Variants in KANSL3 observed in about 807,000 individuals in gnomAD.
KANSL3 encodes the protein KAT8 regulatory NSL complex subunit 3.
In KANSL3, 16 loss-of-function variants were observed where a neutral mutation model predicts 89.2. That is an observed-to-expected ratio of 0.18 (90% CI 0.12 to 0.27). The LOEUF (loss-of-function observed/expected upper bound fraction) is 0.27, where lower values mean the gene tolerates loss of function less well. KANSL3 is among the 10% of genes least tolerant of loss of function. The probability of loss-of-function intolerance (pLI) is 1.00; values close to 1 mark genes in which losing one functional copy is unlikely to be tolerated. For synonymous variants in KANSL3, 385 were observed against 419.7 expected (o/e 0.92, Z 1.01); for missense variants, 879 against 1,110.6 (o/e 0.79, Z 2.96).
intron 1 of KANSL3, 90 bp from the exon 2 acceptor site, chr2:96,637,275 C>T: frequency 1.6e-6 from 1 of 612,876 alleles, no homozygotes; most frequent in Non-Finnish European, 2.9e-6. Flanking sequence ...TTGTAACCTA[C>T]TATCATTCCT....
rs1387246490 is a variant in KANSL3 at position 96,594,101 on chromosome 2, T to G, written c.*1510A>C. ...CCTTGCCTGAGACTCCTAGACACTA[T>G]GAGCTCCCTTCTGGCTGCCACTCAG... On this transcript the variant is annotated 3_prime_UTR_variant, in exon 21 of 21. Coordinates refer to ENST00000431828, the MANE Select transcript of KANSL3 (RefSeq NM_001115016.3). 1 of 152,274 alleles carries G rather than the reference T, an allele frequency of 6.6e-6. No homozygotes were observed. The highest frequency in any genetic ancestry group is 1.5e-5 in the Non-Finnish European group (1 of 68,154). 9.4% of individuals were successfully genotyped at this position (152,274 alleles called of 1,614,324 possible). A position where few individuals can be genotyped will look rare whatever the true frequency, so the allele number is the denominator to read the frequency against.
intron 3 of KANSL3, among the ~76,000 whole-genome samples, chr2:96,627,692 A>G (rs2072615454): frequency 6.6e-6 from 1 of 152,240 alleles, no homozygotes; most frequent in Admixed American, 6.5e-5. Context: ...GGAGCTCTTG[A>G]TGTGGCAAAC....
chr2:96,630,939 A>G (rs1424765883), intron 3 of KANSL3, among the ~76,000 whole-genome samples: 4 of 152,248 alleles, frequency 2.6e-5, no homozygotes, highest in Non-Finnish European at 4.4e-5. Flanking sequence ...TTTAAACACA[A>G]TATCTTACAA....
chr2:96,608,413 TGA>T, intron 14 of KANSL3, 93 bp downstream of exon 14: 3 of 1,292,414 alleles, frequency 2.3e-6, no homozygotes, highest in Non-Finnish European at 3.2e-6. Flanking sequence ...CACATCCCCC[TGA>T]AAAAAGCCAT....
At chr2:96,620,194 G>T (rs1030256932) in intron 3 of KANSL3, among the ~76,000 whole-genome samples, 2 of 152,178 alleles carry the variant, frequency 1.3e-5, no homozygotes, top group Non-Finnish European at 2.9e-5. Flanking sequence ...GCATTTTAAT[G>T]TACTAAAATC....
chr2:96,592,720 C>G (rs966354021), downstream of KANSL3, among the ~76,000 whole-genome samples: 1 of 152,150 alleles, frequency 6.6e-6, no homozygotes, highest in African/African-American at 2.4e-5. Flanking sequence ...AAGGAAATTA[C>G]AGGCTGGGTG....
chr2:96,627,007 A>G (rs898504983), intron 3 of KANSL3, among the ~76,000 whole-genome samples: 32 of 152,248 alleles, frequency 2.1e-4, no homozygotes, highest in African/African-American at 7.7e-4. Flanking sequence ...GTGTCATGAA[A>G]CAGTATTAAT....
chr2:96,630,914 C>T (rs1160052447), intron 3 of KANSL3, among the ~76,000 whole-genome samples: 1 of 152,180 alleles, frequency 6.6e-6, no homozygotes, highest in African/African-American at 2.4e-5. Flanking sequence ...CTTCCATCAT[C>T]CTAGTTATAA....
Position 96,595,419 on chromosome 2 carries a change from G to A in KANSL3, c.*192C>T. ...CCAGATTTGCAGATCCTGGACGATG[G>A]TGCTTCCCTTGCTGGCACCGTATCA... On this transcript the variant is annotated 3_prime_UTR_variant, in exon 21 of 21. Coordinates refer to ENST00000431828, the MANE Select transcript of KANSL3 (RefSeq NM_001115016.3). 1.8e-6 allele frequency: 1 copy of A among 563,990 alleles called. No individual in the cohort carries two copies. The highest frequency in any genetic ancestry group is 3.2e-6 in the Non-Finnish European group (1 of 315,268). 34.9% of individuals were successfully genotyped at this position (563,990 alleles called of 1,614,324 possible). A position where few individuals can be genotyped will look rare whatever the true frequency, so the allele number is the denominator to read the frequency against.
chr2:96,619,656 AT>A lies in KANSL3; in HGVS notation c.477+15del. On this transcript the variant is annotated intron_variant, in intron 4 of 20. Transcript: ENST00000431828. ...ACTACGAAGAGCCCACTGTGGGCGG[AT>A]TGCTGGTGTCTTACCCCTTCGTTGG... 1 of 1,579,672 alleles carries A rather than the reference AT, an allele frequency of 6.3e-7. No individual in the cohort carries two copies.
At chr2:96,634,234 A>C (rs1165657864) in intron 2 of KANSL3, 2 of 152,242 alleles carry the variant, frequency 1.3e-5, no homozygotes. Flanking sequence ...TTTTAAAATG[A>C]GATCTAGCTG....
chr2:96,614,195 G>A (rs571821633), intron 5 of KANSL3, among the ~76,000 whole-genome samples: 8 of 152,220 alleles, frequency 5.3e-5, no homozygotes, highest in African/African-American at 1.4e-4. Context: ...GGGTTCAAGC[G>A]ATTTCTTGTT....
rs561354908 is a variant in KANSL3, at chr2:96,601,176, G to A, written c.2616+467C>T. ...CCAGTTACTTGGGAGGCTGAGGCAG[G>A]AGAATTGCTTGAACCGGGGAGGTGG... On this transcript the variant is annotated intron_variant, in intron 20 of 20. Coordinates refer to ENST00000431828, the MANE Select transcript of KANSL3 (RefSeq NM_001115016.3). The A allele has an allele frequency of 4.0e-4, 154 of 382,168 alleles. 1 individual carries two copies. The highest frequency in any genetic ancestry group is 3.2e-3 in the African/African-American group (148 of 45,768). 23.7% of individuals were successfully genotyped at this position (382,168 alleles called of 1,614,324 possible).
intron 20 of KANSL3, chr2:96,598,238 T>A (rs2066732383): frequency 1.8e-6 from 1 of 552,052 alleles, no homozygotes; most frequent in Non-Finnish European, 2.3e-6. Context: ...ACTATAAAAC[T>A]GTTTTAGAGT....
chr2:96,621,548 C>A (rs545694904), intron 3 of KANSL3, among the ~76,000 whole-genome samples: 3 of 151,354 alleles, frequency 2.0e-5, no homozygotes, highest in Non-Finnish European at 4.4e-5. Context: ...TTAAGCCAGG[C>A]GTGGTAGCAT....
At chr2:96,609,372 G>A (rs1228930772) in intron 12 of KANSL3, 127 bp downstream of exon 12, 3 of 802,982 alleles carry the variant, frequency 3.7e-6, no homozygotes, top group Non-Finnish European at 6.4e-6. Flanking sequence ...CTTTGCTTAT[G>A]ACTGAGACCT....
At chr2:96,621,404 C>T (rs1206915442) in intron 3 of KANSL3, among the ~76,000 whole-genome samples, 1 of 151,936 alleles carries the variant, frequency 6.6e-6, no homozygotes, top group Non-Finnish European at 1.5e-5. Context: ...GTCCCAGCTA[C>T]TCCGGAGGCT....
intron 13 of KANSL3, 22 bp from the exon 14 acceptor site, chr2:96,608,686 A>G: frequency 1.2e-6 from 2 of 1,613,962 alleles, no homozygotes; most frequent in Non-Finnish European, 1.7e-6. Flanking sequence ...GAGAAGGTCA[A>G]GAGATGAGAC....
At chr2:96,599,753 A>G (rs1189371154) in intron 20 of KANSL3, 5 of 491,920 alleles carry the variant, frequency 1.0e-5, no homozygotes, top group Admixed American at 6.4e-5. Context: ...ACATTTCATA[A>G]AAGACATAAA....
Sources: gnomAD v4.1 joint callset for allele counts (sites outside exome capture counted in the v4.1 genomes callset) on GRCh38, gnomAD v4.1.1 for gene constraint, MANE v1.5 for transcripts, NCBI Gene and HGNC (gene_info 2026-07-23, HGNC 2026-07-21) for gene names.